Variants in TAF4B observed in about 807,000 individuals in gnomAD.
TAF4B encodes the protein transcription initiation factor TFIID subunit 4B.
In TAF4B, 38 loss-of-function variants were observed where a neutral mutation model predicts 86.4. The observed-to-expected ratio is 0.44, with a 90% confidence interval of 0.34 to 0.58. The LOEUF is 0.58. Among genes scored for constraint, TAF4B ranks in the 20% least tolerant of loss-of-function variants. The pLI is 0.02. For synonymous variants in TAF4B, 388 were observed against 391.2 expected (o/e 0.99, Z 0.10); for missense variants, 988 against 1,027.6 (o/e 0.96, Z 0.53).
At chr18:26,239,943 C>T (rs1203021207) in intron 1 of TAF4B, among the ~76,000 whole-genome samples, 2 of 152,106 alleles carry the variant, frequency 1.3e-5, no homozygotes, top group Non-Finnish European at 2.9e-5. Context: ...TTCCATTGGT[C>T]TATATCTCTG....
intron 13 of TAF4B, among the ~76,000 whole-genome samples, chr18:26,353,324 ATATAT>A: frequency 6.6e-6 from 1 of 152,360 alleles, no homozygotes; most frequent in East Asian, 1.9e-4. Flanking sequence ...CAATATAATC[ATATAT>A]TAATAGTCTA....
chr18:26,285,210 C>CTTTCCTTTTTTTT (rs2056496143), intron 6 of TAF4B, among the ~76,000 whole-genome samples: 5 of 42,550 alleles, frequency 1.2e-4, no homozygotes, highest in African/African-American at 4.0e-4. Context: ...TCTTCCTTTC[C>CTTTCCTTTTTTTT]TTTTTTTTTT....
chr18:26,242,699 G>A (rs1412098935), intron 1 of TAF4B, among the ~76,000 whole-genome samples: 1 of 152,126 alleles, frequency 6.6e-6, no homozygotes, highest in African/African-American at 2.4e-5. Context: ...TTACAATTTG[G>A]CATGTTTTTG....
chr18:26,244,303 C>T (rs764114121), intron 1 of TAF4B, among the ~76,000 whole-genome samples: 8 of 152,238 alleles, frequency 5.3e-5, no homozygotes, highest in Non-Finnish European at 1.0e-4. Flanking sequence ...GCCTCACTGC[C>T]GCCTTGCAGT....
At chr18:26,296,398 T>A (rs1430579304) in intron 9 of TAF4B, among the ~76,000 whole-genome samples, 1 of 148,520 alleles carries the variant, frequency 6.7e-6, no homozygotes, top group Non-Finnish European at 1.5e-5. Flanking sequence ...TTTAGTCTTA[T>A]GCCCACCACT....
chr18:26,253,513 C>A (rs919794616), intron 1 of TAF4B, among the ~76,000 whole-genome samples: 1 of 152,156 alleles, frequency 6.6e-6, no homozygotes, highest in Non-Finnish European at 1.5e-5. Flanking sequence ...TGTCTATATC[C>A]ATAAGGGATA....
chr18:26,263,368 T>A (rs2056196111), intron 1 of TAF4B, among the ~76,000 whole-genome samples: 1 of 152,240 alleles, frequency 6.6e-6, no homozygotes, highest in Admixed American at 6.5e-5. Context: ...ACCACCAAGA[T>A]GTTAGAATTC....
At chr18:26,343,511 G>A (rs1292867407) in intron 13 of TAF4B, among the ~76,000 whole-genome samples, 1 of 152,192 alleles carries the variant, frequency 6.6e-6, no homozygotes, top group Non-Finnish European at 1.5e-5. Context: ...TGACGTTGTA[G>A]CCACAGATCA....
chr18:26,270,002 T>G (rs1491001764), intron 3 of TAF4B, among the ~76,000 whole-genome samples: 1 of 152,236 alleles, frequency 6.6e-6, no homozygotes, highest in Admixed American at 6.5e-5. Context: ...TTAACCACTT[T>G]AGACTATCAG....
chr18:26,351,898 G>C (rs1014388971), intron 13 of TAF4B, among the ~76,000 whole-genome samples: 1 of 152,058 alleles, frequency 6.6e-6, no homozygotes, highest in African/African-American at 2.4e-5. Flanking sequence ...AAAATGTGGA[G>C]GATAAAGAGC....
Position 26,226,821 on chromosome 18 carries a change from C to T in TAF4B, c.-113C>T. 2 of 861,862 alleles carry T rather than the reference C, an allele frequency of 2.3e-6. No homozygotes were observed. The highest frequency in any genetic ancestry group is 3.4e-5 in the East Asian group (1 of 29,644). The allele number at this position is 861,862 out of a possible 1,614,324, so 53.4% of individuals were successfully genotyped here. On this transcript the variant is annotated 5_prime_UTR_variant, in exon 1 of 15. Coordinates refer to ENST00000269142, the MANE Select transcript of TAF4B (RefSeq NM_005640.3). ...GCTGCTGCGGCCCCCGCGCCTCTCC[C>T]CAGCGATGCTGTGGAACCCGAACCG...
At chr18:26,336,123 C>T (rs926477318) in intron 13 of TAF4B, among the ~76,000 whole-genome samples, 1 of 152,132 alleles carries the variant, frequency 6.6e-6, no homozygotes, top group African/African-American at 2.4e-5. Flanking sequence ...GATTAAGGAT[C>T]TGACAGCAGA....
chr18:26,239,802 A>G (rs879352448), intron 1 of TAF4B, among the ~76,000 whole-genome samples: 9 of 152,220 alleles, frequency 5.9e-5, no homozygotes, highest in Non-Finnish European at 2.9e-5. Context: ...AGCTTTCTAC[A>G]TATGGCTAGC....
chr18:26,272,737 T>C (rs1408050700), intron 3 of TAF4B, among the ~76,000 whole-genome samples: 1 of 152,078 alleles, frequency 6.6e-6, no homozygotes, highest in African/African-American at 2.4e-5. Flanking sequence ...GATTATAAGA[T>C]AGACTAAAGA....
chr18:26,304,217 G>A (rs1192689265), intron 9 of TAF4B, among the ~76,000 whole-genome samples: 2 of 134,598 alleles, frequency 1.5e-5, no homozygotes, highest in Non-Finnish European at 3.2e-5. Context: ...GTTTTTGGGT[G>A]TTCATATAAA....
chr18:26,346,861 G>GTATATATATATATGTGTA (rs2057197552), intron 13 of TAF4B, among the ~76,000 whole-genome samples: 1 of 17,758 alleles, frequency 5.6e-5, no homozygotes, highest in African/African-American at 1.1e-4. Context: ...ATATATATGT[G>GTATATATATATATGTGTA]TATATATATA....
At chr18:26,285,222 G>GTTTTTGTTTTTTTTGTTTT in intron 6 of TAF4B, among the ~76,000 whole-genome samples, 1 of 45,660 alleles carries the variant, frequency 2.2e-5, no homozygotes, top group African/African-American at 6.3e-5. Context: ...TTTTTTTTTT[G>GTTTTTGTTTTTTTTGTTTT]TTTTTTTTTT....
intron 13 of TAF4B, among the ~76,000 whole-genome samples, chr18:26,340,358 A>G (rs1288344739): frequency 1.3e-5 from 2 of 152,214 alleles, no homozygotes; most frequent in African/African-American, 2.4e-5. Flanking sequence ...AACTTCATGC[A>G]AGTTCTACAT....
chr18:26,299,161 CT>C (rs1253881785), intron 9 of TAF4B, among the ~76,000 whole-genome samples: 5 of 150,548 alleles, frequency 3.3e-5, no homozygotes, highest in East Asian at 1.9e-4. Context: ...ATGCCCAGCC[CT>C]TTTTTTTTTC....
Sources: allele counts gnomAD v4.1 joint callset (sites outside exome capture counted in the v4.1 genomes callset), GRCh38; gene constraint gnomAD v4.1.1; transcripts MANE v1.5; gene names NCBI Gene and HGNC (gene_info 2026-07-23, HGNC 2026-07-21).